The following TBC1D14 variants were observed in gnomAD, a reference collection of about 807,000 sequenced individuals.
TBC1D14 encodes the protein TBC1 domain family, member 14.
Under a neutral mutation model 79.0 loss-of-function variants are expected in TBC1D14, and 26 were observed. The observed-to-expected ratio is 0.33, with a 90% CI of 0.24 to 0.46. The LOEUF (loss-of-function observed/expected upper bound fraction) is 0.46, where lower values mean the gene tolerates loss of function less well. Ranked by LOEUF, TBC1D14 falls within the 20% of genes least tolerant of loss-of-function variation. The pLI, the probability that TBC1D14 is intolerant of heterozygous loss-of-function variation, is 1.00. For synonymous variants in TBC1D14, 394 were observed against 349.9 expected (o/e 1.13, Z -1.40); for missense variants, 769 against 887.6 (o/e 0.87, Z 1.70).
intron 12 of TBC1D14, among the ~76,000 whole-genome samples, chr4:7,021,061 C>T (rs1470036176): frequency 1.3e-5 from 2 of 152,364 alleles, no homozygotes; most frequent in East Asian, 3.9e-4. Flanking sequence ...TGCCGTCTTC[C>T]TCCTTCACGA....
chr4:6,941,775 T>C (rs981566289), intron 2 of TBC1D14, among the ~76,000 whole-genome samples: 4 of 152,242 alleles, frequency 2.6e-5, no homozygotes, highest in Admixed American at 6.5e-5. Context: ...TTGCTCCAGA[T>C]ACGTCAGACC....
chr4:7,003,065 G>C (rs1275882511), intron 7 of TBC1D14, among the ~76,000 whole-genome samples: 1 of 152,184 alleles, frequency 6.6e-6, no homozygotes, highest in East Asian at 1.9e-4. Context: ...TGAAAACTTA[G>C]TGAAAGTCGA....
intron 3 of TBC1D14, among the ~76,000 whole-genome samples, chr4:6,991,252 T>C (rs934571571): frequency 6.6e-6 from 1 of 152,224 alleles, no homozygotes; most frequent in Admixed American, 6.5e-5. Context: ...TCGGTCACGG[T>C]TGTGAAAACT....
chr4:6,988,885 C>CTTTTTTTTTTTTTTTTTTTTTTTTTTTT (rs34268749), intron 3 of TBC1D14, among the ~76,000 whole-genome samples: 11 of 76,808 alleles, frequency 1.4e-4, no homozygotes, highest in East Asian at 7.9e-4. Context: ...TTCTTTCTTT[C>CTTTTTTTTTTTTTTTTTTTTTTTTTTTT]TTTTTTTTTT....
At chr4:6,960,039 A>G (rs1470196327) in intron 2 of TBC1D14, among the ~76,000 whole-genome samples, 1 of 151,462 alleles carries the variant, frequency 6.6e-6, no homozygotes, top group African/African-American at 2.4e-5. Flanking sequence ...AAAAATTACA[A>G]GACAGTATAT....
In TBC1D14 at chr4:6,968,534, C is replaced by T. The variant is rs181498987; in HGVS notation, c.843+1110C>T. ...CTGTGTGACTTGATGTGCAGGGTCA[C>T]ATTGCTAGTAAGTAGCACAGCTGGA... is the stretch of plus-strand genomic sequence containing the variant. On this transcript the variant is annotated intron_variant, in intron 3 of 13. Coordinates refer to ENST00000409757, the MANE Select transcript of TBC1D14 (RefSeq NM_020773.3). 1.0e-3 allele frequency among the ~76,000 whole-genome samples: 152 copies of T among 152,346 alleles called. 2 individuals carry two copies. The highest frequency in any genetic ancestry group is 1.8e-3 in the Non-Finnish European group (123 of 68,036).
intron 1 of TBC1D14, among the ~76,000 whole-genome samples, chr4:6,912,200 C>T (rs1723049834): frequency 1.3e-5 from 2 of 151,936 alleles, no homozygotes; most frequent in Admixed American, 1.3e-4. Flanking sequence ...ACCATCCTGG[C>T]CAACATGGTG....
At chr4:6,915,767 T>C (rs1405610814) in intron 1 of TBC1D14, among the ~76,000 whole-genome samples, 1 of 152,032 alleles carries the variant, frequency 6.6e-6, no homozygotes, top group East Asian at 1.9e-4. Flanking sequence ...CTGGGATCTG[T>C]ATACCCTCAG....
rs530223501 is a variant in TBC1D14 at position 6,923,636 on chromosome 4, G to A, written c.247G>A (p.Ala83Thr). 44 of 1,613,930 alleles carry A rather than the reference G, an allele frequency of 2.7e-5. 1 individual carries two copies. Among genetic ancestry groups the A allele is most frequent in the South Asian group, 1.2e-4 (11 of 91,088 alleles). ...GAACCCGGAGCCTGTACCCTGCAGC[G>A]CGGTCCACGTGAGGAGGAAGCAGTC... ...IGNPEPVPCSAVHVRRKQSDS... is the reference protein window; with the variant it reads ...IGNPEPVPCSTVHVRRKQSDS... The change falls in exon 2 of 14, where the codon GCG (alanine) becomes ACG (threonine). Residue 83 changes from alanine to threonine, a missense_variant. Ala to Thr is a moderately conservative substitution (Grantham distance 58). Around this residue, in one of 2 missense-constraint regions of TBC1D14, gnomAD observed 402 missense variants for 393.2 expected, o/e 1.02. Coordinates refer to ENST00000409757, the MANE Select transcript of TBC1D14 (RefSeq NM_020773.3).
At position 6,958,376 on chromosome 4, in the gene TBC1D14, T is replaced by TACACACACACACAC. The variant is rs60999179; in HGVS notation, c.723-8914_723-8901dup. Among the ~76,000 whole-genome samples the TACACACACACACAC allele has an allele frequency of 6.4e-3, 960 of 149,210 alleles. 7 individuals are homozygous for TACACACACACACAC. Among genetic ancestry groups the TACACACACACACAC allele is most frequent in the Non-Finnish European group, 6.2e-3 (422 of 67,528 alleles). The stretch of plus-strand genomic sequence containing the variant: ...GGGTGATACACGTGATCCCCACATA[T>TACACACACACACAC]ACACACACACACACACACACACACA... On this transcript the variant is annotated intron_variant, in intron 2 of 13. Transcript: ENST00000409757.
chr4:6,924,030 T>C lies in TBC1D14; in HGVS notation c.641T>C (p.Leu214Ser), dbSNP rs765869958. 4 of 1,613,984 alleles carry C rather than the reference T, an allele frequency of 2.5e-6. No homozygotes were observed. The highest frequency in any genetic ancestry group is 3.4e-6 in the Non-Finnish European group (4 of 1,180,040). Residue 214 changes from leucine (L) to serine (S), a missense_variant, in exon 2 of 14, where the codon TTA becomes TCA. By Grantham distance (145) the Leu-to-Ser change is moderately radical. Around this residue, in one of 2 missense-constraint regions of TBC1D14, gnomAD observed 402 missense variants for 393.2 expected, o/e 1.02. Transcript: ENST00000409757. ...AGCTCTATCAAGGAAACCCGTGGCT[T>C]ACACCAGCAGGACTGTGTTCATGAA... is the stretch of plus-strand genomic sequence containing the variant. Reference protein sequence around the residue: ...TLSSIKETRGLHQQDCVHEAE... With the variant: ...TLSSIKETRGSHQQDCVHEAE...
At chr4:6,960,588 G>C (rs1243661047) in intron 2 of TBC1D14, among the ~76,000 whole-genome samples, 1 of 152,158 alleles carries the variant, frequency 6.6e-6, no homozygotes, top group Non-Finnish European at 1.5e-5. Flanking sequence ...CTGCCTGTGA[G>C]TGTATCAGGA....
chr4:6,978,822 C>CATGGGGT (rs1452830195), intron 3 of TBC1D14, among the ~76,000 whole-genome samples: 1 of 151,340 alleles, frequency 6.6e-6, no homozygotes, highest in Non-Finnish European at 1.5e-5. Flanking sequence ...ATGACGTGTG[C>CATGGGGT]ATGGGGTTCT....
chr4:6,961,576 G>A (rs1715195461), intron 2 of TBC1D14, among the ~76,000 whole-genome samples: 1 of 152,178 alleles, frequency 6.6e-6, no homozygotes, highest in South Asian at 2.1e-4. Flanking sequence ...ATGGGCAGAG[G>A]GAGCAGCCTG....
At chr4:6,990,837 C>T (rs923321147) in intron 3 of TBC1D14, among the ~76,000 whole-genome samples, 3 of 152,228 alleles carry the variant, frequency 2.0e-5, no homozygotes, top group African/African-American at 7.2e-5. Flanking sequence ...GGTTTTACTT[C>T]CAGAGCCTTA....
chr4:7,028,580 C>T (rs898097397), intron 13 of TBC1D14, among the ~76,000 whole-genome samples: 1 of 152,052 alleles, frequency 6.6e-6, no homozygotes, highest in South Asian at 2.1e-4. Flanking sequence ...GCGCCCGCCT[C>T]CATGCCCAGC....
At chr4:7,021,296 CAT>C (rs1218796592) in intron 12 of TBC1D14, among the ~76,000 whole-genome samples, 1 of 152,194 alleles carries the variant, frequency 6.6e-6, no homozygotes, top group Non-Finnish European at 1.5e-5. Context: ...TGTTTAGCGA[CAT>C]AGAAATATAT....
intron 2 of TBC1D14, among the ~76,000 whole-genome samples, chr4:6,930,158 CG>C (rs1269657727): frequency 6.6e-6 from 1 of 152,158 alleles, no homozygotes. Context: ...AGCTCTAAGC[CG>C]GGTCAGGGTC....
chr4:7,025,386 C>A, intron 13 of TBC1D14, 124 bp downstream of exon 13: 1 of 1,451,672 alleles, frequency 6.9e-7, no homozygotes, highest in Non-Finnish European at 9.2e-7. Flanking sequence ...TGGGCTGGAA[C>A]TGAGGGGGGC....
Sources: allele counts gnomAD v4.1 joint callset (sites outside exome capture counted in the v4.1 genomes callset), GRCh38; gene constraint gnomAD v4.1.1; regional missense constraint gnomAD v4.1.1; transcripts MANE v1.5; gene names NCBI Gene and HGNC (gene_info 2026-07-23, HGNC 2026-07-21).